FILIP1L: variants seen among roughly 807,000 people sequenced by gnomAD.
FILIP1L encodes the protein filamin A-interacting protein 1-like.
A neutral mutation model predicts 96.6 loss-of-function variants in FILIP1L; 55 were observed. The ratio of observed to expected loss-of-function variants is 0.57; its 90% CI spans 0.46 to 0.71. The LOEUF is 0.71. FILIP1L is among the 30% of genes least tolerant of loss of function. The pLI, the probability that FILIP1L is intolerant of heterozygous loss-of-function variation, is 0.00. For synonymous variants in FILIP1L, 467 were observed against 473.9 expected (o/e 0.99, Z 0.19); for missense variants, 1,304 against 1,321.2 (o/e 0.99, Z 0.20).
At chr3:99,864,969 C>T (rs532407817) in intron 4 of FILIP1L, among the ~76,000 whole-genome samples, 303 of 152,200 alleles carry the variant, frequency 2.0e-3, no homozygotes, top group African/African-American at 6.8e-3. Context: ...TTGTTTAATA[C>T]TATATTTCTG....
chr3:100,004,822 T>A (rs943932404), intron 1 of FILIP1L, among the ~76,000 whole-genome samples: 1 of 152,166 alleles, frequency 6.6e-6, no homozygotes, highest in African/African-American at 2.4e-5. Flanking sequence ...AATGTTTGAG[T>A]TTCCCCCTAT....
intron 5 of FILIP1L, among the ~76,000 whole-genome samples, chr3:99,839,664 A>G (rs959204852): frequency 2.0e-5 from 3 of 152,234 alleles, no homozygotes; most frequent in Non-Finnish European, 4.4e-5. Context: ...CTAGTTTAGA[A>G]TTCAGGTATC....
intron 4 of FILIP1L, among the ~76,000 whole-genome samples, chr3:99,917,987 G>GT (rs1332827134): frequency 2.0e-4 from 30 of 151,638 alleles, no homozygotes; most frequent in East Asian, 9.7e-4. Flanking sequence ...GTTTTGTTTT[G>GT]TTTTTTTTGA....
intron 1 of FILIP1L, among the ~76,000 whole-genome samples, chr3:100,064,669 TTATTTC>T (rs1426255734): frequency 6.6e-6 from 1 of 152,194 alleles, no homozygotes; most frequent in Non-Finnish European, 1.5e-5. Context: ...ATGGAACTTT[TTATTTC>T]CACTTGCTGA....
At chr3:100,011,260 G>T (rs371559427) in intron 1 of FILIP1L, among the ~76,000 whole-genome samples, 1 of 152,062 alleles carries the variant, frequency 6.6e-6, no homozygotes, top group African/African-American at 2.4e-5. Context: ...TTTTTCCTCA[G>T]GGAAATGTTT....
intron 1 of FILIP1L, among the ~76,000 whole-genome samples, chr3:100,059,208 T>C (rs1306001946): frequency 6.6e-6 from 1 of 152,242 alleles, no homozygotes; most frequent in African/African-American, 2.4e-5. Flanking sequence ...CTAGGTTGTT[T>C]CTGTCCAGTT....
intron 1 of FILIP1L, among the ~76,000 whole-genome samples, chr3:100,002,131 T>A (rs956918307): frequency 6.6e-6 from 1 of 152,216 alleles, no homozygotes; most frequent in African/African-American, 2.4e-5. Context: ...ACTGACCACC[T>A]CCTGTACAGA....
At chr3:100,001,499 A>G (rs1276497628) in intron 1 of FILIP1L, among the ~76,000 whole-genome samples, 1 of 152,192 alleles carries the variant, frequency 6.6e-6, no homozygotes, top group African/African-American at 2.4e-5. Context: ...AGTTTATGAG[A>G]ATGTATTGGT....
chr3:100,066,805 AC>A (rs2065673275), intron 1 of FILIP1L, among the ~76,000 whole-genome samples: 1 of 151,898 alleles, frequency 6.6e-6, no homozygotes, highest in Non-Finnish European at 1.5e-5. Context: ...TGCTGGGATT[AC>A]AGGCGTGGCT....
intron 1 of FILIP1L, among the ~76,000 whole-genome samples, chr3:100,028,544 T>A (rs1436478055): frequency 6.6e-6 from 1 of 152,184 alleles, no homozygotes; most frequent in African/African-American, 2.4e-5. Flanking sequence ...TGAGGTAATA[T>A]ATTTTATTAC....
intron 1 of FILIP1L, among the ~76,000 whole-genome samples, chr3:99,996,628 C>T (rs1288380635): frequency 6.6e-6 from 1 of 152,068 alleles, no homozygotes; most frequent in East Asian, 1.9e-4. Flanking sequence ...CTTACAGTTC[C>T]ACATGTCTGG....
intron 1 of FILIP1L, among the ~76,000 whole-genome samples, chr3:100,104,317 G>C (rs2066358406): frequency 6.6e-6 from 1 of 152,184 alleles, no homozygotes. Context: ...AGACCAAGAT[G>C]ACATAGCTGT....
At chr3:100,040,760 G>A (rs1199860486) in intron 1 of FILIP1L, 3 of 152,204 alleles carry the variant, frequency 2.0e-5, no homozygotes, top group African/African-American at 7.2e-5. Context: ...GGTGCTGGGA[G>A]CCATGTGGGA....
At chr3:100,108,113 A>G (rs1374319400) in intron 1 of FILIP1L, among the ~76,000 whole-genome samples, 1 of 152,142 alleles carries the variant, frequency 6.6e-6, no homozygotes, top group African/African-American at 2.4e-5. Context: ...AAGAAAATAC[A>G]TGATTCAAAT....
intron 1 of FILIP1L, chr3:100,109,903 A>ACCGC (rs1491348077): frequency 1.5e-3 from 109 of 72,360 alleles, no homozygotes; most frequent in African/African-American, 5.7e-3. Context: ...TTCTTTTATG[A>ACCGC]CCCCCCCCCC....
intron 1 of FILIP1L, among the ~76,000 whole-genome samples, chr3:100,038,450 T>C (rs1436812449): frequency 6.6e-6 from 1 of 152,166 alleles, no homozygotes; most frequent in African/African-American, 2.4e-5. Context: ...TTATAGAGAA[T>C]TCGAGTAGGG....
At chr3:100,076,755 T>C (rs1014883902) in intron 1 of FILIP1L, among the ~76,000 whole-genome samples, 1 of 152,258 alleles carries the variant, frequency 6.6e-6, no homozygotes, top group African/African-American at 2.4e-5. Flanking sequence ...GAGGAACTTA[T>C]TAATGTAACG....
intron 4 of FILIP1L, among the ~76,000 whole-genome samples, chr3:99,885,348 C>T (rs1377883646): frequency 6.6e-6 from 1 of 152,218 alleles, no homozygotes; most frequent in African/African-American, 2.4e-5. Context: ...TCTTCAAATG[C>T]TGATGCATTC....
intron 1 of FILIP1L, among the ~76,000 whole-genome samples, chr3:100,046,064 G>T (rs2065274130): frequency 1.3e-5 from 2 of 152,184 alleles, no homozygotes; most frequent in African/African-American, 4.8e-5. Context: ...GTATGGAGAG[G>T]CAAGAGAATA....
Sources: allele counts gnomAD v4.1 joint callset (sites outside exome capture counted in the v4.1 genomes callset), GRCh38; gene constraint gnomAD v4.1.1; transcripts MANE v1.5; gene names NCBI Gene and HGNC (gene_info 2026-07-23, HGNC 2026-07-21).